Variants in MARCHF4 observed in about 807,000 individuals in gnomAD.
MARCHF4 encodes E3 ubiquitin-protein ligase MARCHF4.
Under a neutral mutation model 43.9 loss-of-function variants are expected in MARCHF4, and 14 were observed. The ratio of observed to expected loss-of-function variants is 0.32; its 90% CI spans 0.21 to 0.50. MARCHF4 has a LOEUF of 0.50. Ranked by LOEUF, MARCHF4 falls within the 20% of genes least tolerant of loss-of-function variation. The pLI is 0.98. For synonymous variants in MARCHF4, 226 were observed against 213.3 expected, an observed-to-expected ratio of 1.06 and a Z score of -0.52; for missense variants, 468 against 536.7, an observed-to-expected ratio of 0.87 and a Z score of 1.27.
At chr2:216,269,719 T>C (rs949903349) in intron 3 of MARCHF4, among the ~76,000 whole-genome samples, 1 of 152,144 alleles carries the variant, frequency 6.6e-6, no homozygotes, top group Non-Finnish European at 1.5e-5. Context: ...CCTCTGATGA[T>C]GGTGTTATTA....
intron 2 of MARCHF4, among the ~76,000 whole-genome samples, chr2:216,281,223 T>C (rs561180245): frequency 1.3e-5 from 2 of 152,102 alleles, no homozygotes; most frequent in Admixed American, 1.3e-4. Context: ...CATGGGCTAC[T>C]ACTCCCAGCT....
rs151120703 is a variant in MARCHF4 at position 216,285,305 on chromosome 2, C to T, written c.517-1576G>A. ...ACTCTGTATTTGCGCAATAAATGAA[C>T]TTGGCAGAAATGCTCAGGTGCTCAT... On this transcript the variant is annotated intron_variant, in intron 1 of 3. Transcript: ENST00000273067. Among the ~76,000 whole-genome samples the T allele has an allele frequency of 6.1e-3, 934 of 152,290 alleles. 5 individuals carry two copies. The highest frequency in any genetic ancestry group is 0.01 in the Non-Finnish European group (686 of 68,028).
chr2:216,261,617 T>C (rs1447261905), intron 3 of MARCHF4, among the ~76,000 whole-genome samples: 2 of 152,200 alleles, frequency 1.3e-5, no homozygotes, highest in South Asian at 4.1e-4. Context: ...TTGGTCATGG[T>C]TAGTTTAAGG....
chr2:216,358,321 T>C (rs1692530977), intron 1 of MARCHF4, among the ~76,000 whole-genome samples: 1 of 152,200 alleles, frequency 6.6e-6, no homozygotes, highest in Non-Finnish European at 1.5e-5. Context: ...TCCAAAAGCA[T>C]CTCTGACTCC....
chr2:216,348,548 T>TC (rs1692355725), intron 1 of MARCHF4, among the ~76,000 whole-genome samples: 1 of 152,084 alleles, frequency 6.6e-6, no homozygotes, highest in Non-Finnish European at 1.5e-5. Context: ...TGTCAGGAAG[T>TC]CCCCCTATGT....
intron 1 of MARCHF4, among the ~76,000 whole-genome samples, chr2:216,318,719 C>T (rs1212395984): frequency 1.3e-5 from 2 of 152,090 alleles, no homozygotes; most frequent in East Asian, 3.9e-4. Context: ...GTGCCAGGGG[C>T]TCCACTGCCC....
At chr2:216,292,730 A>C (rs993805587) in intron 1 of MARCHF4, among the ~76,000 whole-genome samples, 2 of 152,126 alleles carry the variant, frequency 1.3e-5, no homozygotes, top group Non-Finnish European at 2.9e-5. Context: ...GGTTGGTGGA[A>C]AGGGTTCGGC....
intron 3 of MARCHF4, among the ~76,000 whole-genome samples, chr2:216,263,845 G>T (rs572823119): frequency 1.3e-5 from 2 of 152,130 alleles, no homozygotes; most frequent in African/African-American, 4.8e-5. Flanking sequence ...GTGCAGGGGG[G>T]CACGGTGAAG....
Position 216,259,484 on chromosome 2 carries a change from G to GTGCC in MARCHF4, c.1057_1060dup (p.Thr354ArgfsTer6). 6.2e-7 allele frequency: 1 copy of GTGCC among 1,614,200 alleles called. No homozygotes were observed. Among genetic ancestry groups the GTGCC allele is most frequent in the Non-Finnish European group, 8.5e-7 (1 of 1,180,022 alleles). The stretch of plus-strand genomic sequence containing the variant: ...GGCAGGGCCCTGCTCAGGGGCAGGG[G>GTGCC]TGCCTGCGGTCTCCTCTTCCGAGGA... On this transcript the variant is annotated frameshift_variant, in exon 4 of 4. Coordinates refer to ENST00000273067, the MANE Select transcript of MARCHF4 (RefSeq NM_020814.3). LOFTEE classifies it high-confidence loss of function.
At chr2:216,308,277 G>T (rs2105954404) in intron 1 of MARCHF4, among the ~76,000 whole-genome samples, 1 of 152,204 alleles carries the variant, frequency 6.6e-6, no homozygotes, top group African/African-American at 2.4e-5. Flanking sequence ...TTGGTGGTAT[G>T]TGACTGTAGT....
chr2:216,326,479 A>C (rs1691993823), intron 1 of MARCHF4, among the ~76,000 whole-genome samples: 1 of 151,062 alleles, frequency 6.6e-6, no homozygotes, highest in Non-Finnish European at 1.5e-5. Flanking sequence ...CCAAAGGACT[A>C]TAAATCATGC....
At chr2:216,326,375 A>G (rs577816775) in intron 1 of MARCHF4, among the ~76,000 whole-genome samples, 2 of 148,510 alleles carry the variant, frequency 1.3e-5, no homozygotes, top group Non-Finnish European at 3.0e-5. Context: ...ACTGTAAACT[A>G]GTTCAACCAT....
At position 216,370,095 on chromosome 2, in the gene MARCHF4, G is replaced by A; in HGVS notation, c.166C>T (p.Arg56Cys). The A allele has an allele frequency of 6.3e-7, 1 of 1,585,450 alleles. No homozygotes were observed. The highest frequency in any genetic ancestry group is 1.8e-5 in the Admixed American group (1 of 55,478). ...ATGGGCAGGGGCGCTTGAGGAGGGC[G>A]CCGCAGTAAGAAAACCTTCAGGTCA... is the stretch of plus-strand genomic sequence containing the variant. ...FNDLKVFLLR[R>C]PPQAPLPMHG... is the part of the protein sequence containing the mutation. Residue 56 changes from arginine (R) to cysteine (C), a missense_variant, in exon 1 of 4, where the codon CGC becomes TGC. This residue lies in a region of MARCHF4 where 190 missense variants were observed against 158.5 expected (regional missense o/e 1.20). Coordinates refer to ENST00000273067, the MANE Select transcript of MARCHF4 (RefSeq NM_020814.3).
chr2:216,343,339 A>G (rs962819266), intron 1 of MARCHF4, among the ~76,000 whole-genome samples: 2 of 152,174 alleles, frequency 1.3e-5, no homozygotes, highest in Non-Finnish European at 2.9e-5. Flanking sequence ...TAGCTTGCAG[A>G]CAGCTTCCCT....
chr2:216,331,964 G>A (rs1278462952), intron 1 of MARCHF4, among the ~76,000 whole-genome samples: 1 of 152,102 alleles, frequency 6.6e-6, no homozygotes, highest in Non-Finnish European at 1.5e-5. Flanking sequence ...GGAGTCTTAA[G>A]CCACTTCAAT....
intron 1 of MARCHF4, among the ~76,000 whole-genome samples, chr2:216,336,769 C>CAAAAAAAAAAAAAAAAAAAAAA (rs1453857917): frequency 2.5e-4 from 17 of 66,868 alleles, no homozygotes; most frequent in East Asian, 8.6e-4. Context: ...AAAAAAAAAG[C>CAAAAAAAAAAAAAAAAAAAAAA]TTTCTGGAAA....
At chr2:216,270,422 A>G (rs1574459351) in intron 3 of MARCHF4, among the ~76,000 whole-genome samples, 1 of 152,162 alleles carries the variant, frequency 6.6e-6, no homozygotes, top group Non-Finnish European at 1.5e-5. Context: ...CAACCCCATC[A>G]GTCACCAACC....
At chr2:216,281,623 C>A (rs902343231) in intron 2 of MARCHF4, among the ~76,000 whole-genome samples, 3 of 152,246 alleles carry the variant, frequency 2.0e-5, no homozygotes, top group Non-Finnish European at 2.9e-5. Flanking sequence ...ACAGGACATA[C>A]AATTGGGACA....
At chr2:216,359,383 C>T (rs138689589) in intron 1 of MARCHF4, among the ~76,000 whole-genome samples, 56 of 152,268 alleles carry the variant, frequency 3.7e-4, no homozygotes, top group African/African-American at 1.2e-3. Flanking sequence ...CTGTTTCCCC[C>T]TATTAGCCAC....
Sources: gnomAD v4.1 joint callset for allele counts (sites outside exome capture counted in the v4.1 genomes callset) on GRCh38, gnomAD v4.1.1 for gene constraint, gnomAD v4.1.1 regional missense constraint, MANE v1.5 for transcripts, NCBI Gene and HGNC (gene_info 2026-07-23, HGNC 2026-07-21) for gene names.